Variants in BDH1 observed in about 807,000 individuals in gnomAD.
BDH1 encodes 3-hydroxybutyrate dehydrogenase 1.
BDH1 carries 30 observed loss-of-function variants against 33.1 expected under a neutral mutation model. That is an observed-to-expected ratio of 0.91 (90% confidence interval 0.68 to 1.23). The LOEUF (loss-of-function observed/expected upper bound fraction) is 1.23. BDH1 is among the 50% of genes most tolerant of loss of function. The probability of loss-of-function intolerance (pLI) is 0.00; values close to 1 mark genes in which losing one functional copy is unlikely to be tolerated. For synonymous variants in BDH1, 190 were observed against 183.6 expected, an observed-to-expected ratio of 1.03 and a Z score of -0.28; for missense variants, 443 against 464.4, an observed-to-expected ratio of 0.95 and a Z score of 0.42.
intron 2 of BDH1, among the ~76,000 whole-genome samples, chr3:197,549,917 T>C (rs1435482152): frequency 6.6e-6 from 1 of 151,134 alleles, no homozygotes; most frequent in Admixed American, 6.6e-5. Flanking sequence ...CTATGGGCAT[T>C]TGAGTTTTGA....
chr3:197,544,776 G>A (rs774453274), intron 3 of BDH1, among the ~76,000 whole-genome samples: 1 of 152,246 alleles, frequency 6.6e-6, no homozygotes, highest in African/African-American at 2.4e-5. Context: ...GCTAAAAGCC[G>A]GGCCGGGCGT....
At chr3:197,567,535 C>T (rs781393988) in intron 1 of BDH1, among the ~76,000 whole-genome samples, 2 of 152,226 alleles carry the variant, frequency 1.3e-5, no homozygotes, top group Non-Finnish European at 2.9e-5. Context: ...AACCAATGTT[C>T]ATTTTACATA....
At chr3:197,543,890 G>T (rs1325897306) in intron 3 of BDH1, among the ~76,000 whole-genome samples, 1 of 152,120 alleles carries the variant, frequency 6.6e-6, no homozygotes, top group African/African-American at 2.4e-5. Context: ...GTGAATGCAG[G>T]GGCAGACCCA....
chr3:197,532,631 A>G (rs1560321599), intron 4 of BDH1, 109 bp from the exon 5 acceptor site: 1 of 740,816 alleles, frequency 1.3e-6, no homozygotes, highest in Non-Finnish European at 2.3e-6. Flanking sequence ...GAGTGGCCCA[A>G]GCCTGGCCCT....
intron 2 of BDH1, among the ~76,000 whole-genome samples, chr3:197,552,265 C>T (rs1315304456): frequency 6.6e-6 from 1 of 152,146 alleles, no homozygotes; most frequent in South Asian, 2.1e-4. Context: ...TAGGATCCTC[C>T]GCTACCAGCC....
chr3:197,563,976 A>G (rs1315000152), intron 1 of BDH1, among the ~76,000 whole-genome samples: 2 of 151,682 alleles, frequency 1.3e-5, no homozygotes, highest in Admixed American at 6.6e-5. Flanking sequence ...GTGGTAGGCT[A>G]CTGTAATCAC....
At chr3:197,533,663 G>A in intron 3 of BDH1, 102 bp from the exon 4 acceptor site, 2 of 1,146,668 alleles carry the variant, frequency 1.7e-6, no homozygotes, top group Admixed American at 3.9e-5. Flanking sequence ...CCCGGCTCCT[G>A]GAGACAGCTT....
At chr3:197,549,937 CCATA>C (rs1716407069) in intron 2 of BDH1, among the ~76,000 whole-genome samples, 1 of 148,078 alleles carries the variant, frequency 6.8e-6, no homozygotes, top group Non-Finnish European at 1.5e-5. Context: ...AGATTCCTGA[CCATA>C]TATATCTATA....
At chr3:197,527,125 G>A (rs1325374449) in intron 5 of BDH1, among the ~76,000 whole-genome samples, 4 of 152,158 alleles carry the variant, frequency 2.6e-5, no homozygotes, top group East Asian at 1.9e-4. Context: ...GAGGACACTC[G>A]ACACATGTTA....
intron 5 of BDH1, among the ~76,000 whole-genome samples, chr3:197,531,608 G>A (rs1469713697): frequency 6.6e-6 from 1 of 152,062 alleles, no homozygotes; most frequent in Non-Finnish European, 1.5e-5. Context: ...TGTATTGTAT[G>A]ATTTCATGTA....
chr3:197,565,607 T>A (rs1717409199), intron 1 of BDH1, among the ~76,000 whole-genome samples: 1 of 152,176 alleles, frequency 6.6e-6, no homozygotes, highest in Non-Finnish European at 1.5e-5. Flanking sequence ...CATGGGAAAC[T>A]CCTATAATTT....
chr3:197,550,929 T>C lies in BDH1; in HGVS notation c.-44+3633A>G, dbSNP rs760749746. On this transcript the variant is annotated intron_variant, in intron 2 of 7. Coordinates refer to ENST00000392379, the MANE Select transcript of BDH1 (RefSeq NM_203314.3). ...AAGGCAGAACACTATTATTTTTAAC[T>C]TTTTATTTTTATGGGTAGGTCGTAG... 2.0e-4 allele frequency among the ~76,000 whole-genome samples: 31 copies of C among 152,218 alleles called. 1 individual carries two copies. Among genetic ancestry groups the C allele is most frequent in the Non-Finnish European group, 1.2e-4 (8 of 68,048 alleles).
intron 2 of BDH1, among the ~76,000 whole-genome samples, chr3:197,547,881 G>A (rs1329216404): frequency 2.0e-5 from 3 of 152,246 alleles, no homozygotes; most frequent in African/African-American, 7.2e-5. Context: ...TGAGTCCTCT[G>A]TCTCCCTCAC....
chr3:197,566,190 A>C (rs767503505), intron 1 of BDH1, among the ~76,000 whole-genome samples: 57 of 152,350 alleles, frequency 3.7e-4, no homozygotes, highest in South Asian at 1.4e-3. Flanking sequence ...TGCAATAAGA[A>C]TCTGTTTTCA....
intron 3 of BDH1, among the ~76,000 whole-genome samples, chr3:197,541,699 A>G (rs1715638036): frequency 6.6e-6 from 1 of 151,962 alleles, no homozygotes; most frequent in Admixed American, 6.6e-5. Flanking sequence ...TCCTTTGCCT[A>G]GCCTCACTCC....
In BDH1 at chr3:197,546,449, C is replaced by A; in HGVS notation, c.-6G>T. 6.2e-7 allele frequency: 1 copy of A among 1,613,992 alleles called. No homozygotes were observed. The highest frequency in any genetic ancestry group is 8.5e-7 in the Non-Finnish European group (1 of 1,179,938). On this transcript the variant is annotated 5_prime_UTR_variant, in exon 3 of 8. Coordinates refer to ENST00000392379, the MANE Select transcript of BDH1 (RefSeq NM_203314.3). ...GAGAGGCGGGTGGCCAGCATGGTAG[C>A]AACGGGTGTTAGAATGGCCCAGTTC... is the stretch of plus-strand genomic sequence containing the variant.
intron 1 of BDH1, among the ~76,000 whole-genome samples, chr3:197,562,896 T>C (rs1222662401): frequency 6.6e-6 from 1 of 152,198 alleles, no homozygotes; most frequent in Non-Finnish European, 1.5e-5. Context: ...TTGTGCAAAT[T>C]TACATTGAGG....
rs1310686806 is a variant in BDH1, at chr3:197,511,718, G to T, written c.*177C>A. 2.2e-4 allele frequency: 132 copies of T among 611,406 alleles called. No individual in the cohort carries two copies. The highest frequency in any genetic ancestry group is 3.0e-5 in the Non-Finnish European group (11 of 367,322). The allele number at this position is 611,406 out of a possible 1,614,324, so 37.9% of individuals were successfully genotyped here. Reference sequence around the variant, plus strand: ...GCCACTCCACACCCTGTTTGTGAAGGCCCAAGTCACTCACTATGCAAAGAA... The same window carrying T: ...GCCACTCCACACCCTGTTTGTGAAGTCCCAAGTCACTCACTATGCAAAGAA... On this transcript the variant is annotated 3_prime_UTR_variant, in exon 8 of 8. Transcript: ENST00000392379.
At chr3:197,546,217 T>G in intron 3 of BDH1, 144 bp downstream of exon 3, 4 of 753,222 alleles carry the variant, frequency 5.3e-6, no homozygotes, top group Non-Finnish European at 6.7e-6. Context: ...AGGACACCTC[T>G]GAGTTTCCTC....
Sources: gnomAD v4.1 joint callset for allele counts (sites outside exome capture counted in the v4.1 genomes callset) on GRCh38, gnomAD v4.1.1 for gene constraint, MANE v1.5 for transcripts, NCBI Gene and HGNC (gene_info 2026-07-23, HGNC 2026-07-21) for gene names.